Variants in TRPM7 observed in about 807,000 individuals in gnomAD.
TRPM7 encodes transient receptor potential cation channel subfamily M member 7, also known as LTRPC ion channel family member 7.
In TRPM7, 134 loss-of-function variants were observed where a neutral mutation model predicts 229.7. That is an observed-to-expected ratio of 0.58 (90% CI 0.51 to 0.67). TRPM7 has a LOEUF of 0.67. TRPM7 is among the 30% of genes least tolerant of loss of function. TRPM7 has a pLI of 0.00. For synonymous variants in TRPM7, 699 were observed against 715.2 expected, an observed-to-expected ratio of 0.98 and a Z score of 0.36; for missense variants, 1,901 against 2,210.0, an observed-to-expected ratio of 0.86 and a Z score of 2.80.
At chr15:50,575,967 A>G in intron 31 of TRPM7, 48 bp from the exon 32 acceptor site, 3 of 1,575,348 alleles carry the variant, frequency 1.9e-6, no homozygotes, top group Non-Finnish European at 2.6e-6. Flanking sequence ...GTACTAGTAC[A>G]GCAAAAATTT....
At position 50,592,213 on chromosome 15, in the gene TRPM7, T is replaced by C; in HGVS notation, c.4022A>G (p.Lys1341Arg). The C allele has an allele frequency of 2.5e-6, 4 of 1,614,148 alleles. No individual in the cohort carries two copies. Among genetic ancestry groups the C allele is most frequent in the Non-Finnish European group, 3.4e-6 (4 of 1,180,026 alleles). ...GQDLPAVPQR[K>R]EFNFPEAGSS... ...ACCAGCCTCTGGAAAATTAAATTCT[T>C]TTCTCTGGGGTACTGCAGGTAAGTC... Residue 1341 changes from lysine (K) to arginine (R), a missense_variant, in exon 26 of 39, where the codon AAA becomes AGA. By Grantham distance (26) the Lys-to-Arg change is conservative. Around this residue, in one of 8 missense-constraint regions of TRPM7, gnomAD observed 533 missense variants for 497.1 expected, o/e 1.07. Coordinates refer to ENST00000646667, the MANE Select transcript of TRPM7 (RefSeq NM_017672.6).
intron 33 of TRPM7, 125 bp downstream of exon 33, chr15:50,575,599 G>T: frequency 2.4e-6 from 2 of 826,250 alleles, no homozygotes; most frequent in Non-Finnish European, 1.9e-6. Flanking sequence ...GTGGTAGTCA[G>T]ATTAATCAAG....
intron 36 of TRPM7, among the ~76,000 whole-genome samples, chr15:50,570,506 G>A (rs1313372675): frequency 6.6e-6 from 1 of 151,998 alleles, no homozygotes; most frequent in Admixed American, 6.6e-5. Flanking sequence ...AGTTAGCAAA[G>A]AACAATTTGG....
chr15:50,610,006 T>C (rs1567002303), intron 17 of TRPM7, 45 bp from the exon 18 acceptor site: 2 of 1,296,612 alleles, frequency 1.5e-6, no homozygotes, highest in Non-Finnish European at 2.1e-6. Flanking sequence ...ATTAATGACC[T>C]TCAAGAATAT....
Position 50,643,375 on chromosome 15 carries a change from G to A in TRPM7, c.500C>T (p.Thr167Ile). The change falls in exon 5 of 39, where the codon ACT (threonine) becomes ATT (isoleucine). Residue 167 changes from threonine (T) to isoleucine (I), a missense_variant. Around this residue, in one of 8 missense-constraint regions of TRPM7, gnomAD observed 794 missense variants for 881.9 expected, o/e 0.90. Transcript: ENST00000646667. ...TCCTCCAGTTAAAATCCAGGCTCCA[G>A]TTGTAACTGCAGCTTTAATAAGACC... Reference protein sequence around the residue: ...GKGLIKAAVTTGAWILTGGVN... With the variant: ...GKGLIKAAVTIGAWILTGGVN... 6.2e-7 allele frequency: 1 copy of A among 1,614,116 alleles called. No homozygotes were observed. The highest frequency in any genetic ancestry group is 8.5e-7 in the Non-Finnish European group (1 of 1,180,006).
chr15:50,637,129 GA>G (rs34279292), intron 7 of TRPM7, among the ~76,000 whole-genome samples: 1,611 of 133,192 alleles, frequency 0.012, 37 homozygotes, highest in African/African-American at 0.042. Context: ...CCGCCTCAAA[GA>G]AAAAAAAAAA....
At chr15:50,585,072 T>TTTTTA (rs57327083) in intron 28 of TRPM7, among the ~76,000 whole-genome samples, 1 of 146,694 alleles carries the variant, frequency 6.8e-6, no homozygotes. Context: ...TTTTTTTTTT[T>TTTTTA]GAGACGGAGT....
intron 11 of TRPM7, among the ~76,000 whole-genome samples, chr15:50,626,866 A>G (rs2060575836): frequency 1.3e-5 from 2 of 152,194 alleles, no homozygotes; most frequent in Non-Finnish European, 2.9e-5. Context: ...CCATCTCTCC[A>G]AGATGAATCC....
chr15:50,672,617 T>C (rs1032708076), intron 1 of TRPM7, among the ~76,000 whole-genome samples: 3 of 151,506 alleles, frequency 2.0e-5, no homozygotes, highest in African/African-American at 4.8e-5. Flanking sequence ...AATGTTGAAA[T>C]AGAAAAAAGT....
chr15:50,586,424 T>G lies in TRPM7; in HGVS notation c.4454A>C (p.His1485Pro). The change falls in exon 28 of 39, where the codon CAC becomes CCC. Residue 1485 changes from histidine to proline, a missense_variant. By Grantham distance (77) the His-to-Pro change is moderately conservative. Coordinates refer to ENST00000646667, the MANE Select transcript of TRPM7 (RefSeq NM_017672.6). The stretch of plus-strand genomic sequence containing the variant: ...TGAATGAACAGGAATGGAAGTTCTG[T>G]GACAGTCAGTAAATCCAGCAAGAGA... ...VSSLAGFTDC[H>P]RTSIPVHSKQ... The G allele has an allele frequency of 6.2e-7, 1 of 1,613,134 alleles. No homozygotes were observed. Among genetic ancestry groups the G allele is most frequent in the Non-Finnish European group, 8.5e-7 (1 of 1,179,188 alleles).
At chr15:50,623,776 C>A (rs2060484369) in intron 12 of TRPM7, among the ~76,000 whole-genome samples, 1 of 147,332 alleles carries the variant, frequency 6.8e-6, no homozygotes. Flanking sequence ...ACCATGAGGT[C>A]AAACAATGAA....
rs1258563273 is a variant in TRPM7 at position 50,559,147 on chromosome 15, G to C, written c.*2531C>G. 2 of 152,240 alleles carry C rather than the reference G, an allele frequency of 1.3e-5. No homozygotes were observed. The highest frequency in any genetic ancestry group is 4.8e-5 in the African/African-American group (2 of 41,332). 9.4% of individuals were successfully genotyped at this position (152,240 alleles called of 1,614,324 possible). On this transcript the variant is annotated 3_prime_UTR_variant, in exon 39 of 39. Coordinates refer to ENST00000646667, the MANE Select transcript of TRPM7 (RefSeq NM_017672.6). ...GCTCACTGCAACCTCCACCTCCCAG[G>C]TTCAAGCAATTCTCCTGCCTCAGAC...
At chr15:50,638,868 A>G (rs1033380921) in intron 6 of TRPM7, among the ~76,000 whole-genome samples, 5 of 151,992 alleles carry the variant, frequency 3.3e-5, no homozygotes, top group Admixed American at 3.3e-4. Flanking sequence ...TTTAGTAGAG[A>G]CGGGGTTTCA....
intron 1 of TRPM7, among the ~76,000 whole-genome samples, chr15:50,680,704 T>C (rs1387120770): frequency 6.6e-6 from 1 of 152,198 alleles, no homozygotes; most frequent in Non-Finnish European, 1.5e-5. Flanking sequence ...CAGCAAACTT[T>C]TTAAGTTATA....
rs148881894 is a variant in TRPM7 at position 50,588,965 on chromosome 15, G to C, written c.4389+627C>G. Among the ~76,000 whole-genome samples, 373 of 152,276 alleles carry C rather than the reference G, an allele frequency of 2.4e-3. 2 individuals are homozygous for C. The highest frequency in any genetic ancestry group is 8.5e-3 in the African/African-American group (355 of 41,552). On this transcript the variant is annotated intron_variant, in intron 27 of 38. Coordinates refer to ENST00000646667, the MANE Select transcript of TRPM7 (RefSeq NM_017672.6). ...ATGTTCAAATAAAACTTTTGGATCTGGGAAGAGTGAGCTCATTAAGTATTT... is the reference window on the plus strand; with the variant it reads ...ATGTTCAAATAAAACTTTTGGATCTCGGAAGAGTGAGCTCATTAAGTATTT...
rs538100543 is a variant in TRPM7, at chr15:50,669,669, G to C, written c.4-6623C>G. Among the ~76,000 whole-genome samples, 128 of 152,132 alleles carry C rather than the reference G, an allele frequency of 8.4e-4. 1 individual carries two copies. The highest frequency in any genetic ancestry group is 3.0e-3 in the African/African-American group (123 of 41,484). On this transcript the variant is annotated intron_variant, in intron 1 of 38. Coordinates refer to ENST00000646667, the MANE Select transcript of TRPM7 (RefSeq NM_017672.6). ...GAAAAAATTGTGTTTCAAGAACTATGGTATACCTGTCAGTAGATTCTAGTC... is the reference window on the plus strand; with the variant it reads ...GAAAAAATTGTGTTTCAAGAACTATCGTATACCTGTCAGTAGATTCTAGTC...
At chr15:50,679,538 A>ATATATATTTTTTT (rs1400383980) in intron 1 of TRPM7, among the ~76,000 whole-genome samples, 1 of 43,904 alleles carries the variant, frequency 2.3e-5, no homozygotes, top group African/African-American at 1.1e-4. Context: ...ATATATATAT[A>ATATATATTTTTTT]TTTTTTTTTT....
chr15:50,618,689 G>C (rs2060302992), intron 13 of TRPM7, among the ~76,000 whole-genome samples: 1 of 152,114 alleles, frequency 6.6e-6, no homozygotes, highest in African/African-American at 2.4e-5. Flanking sequence ...TTATGTAGCG[G>C]TGAAGACTAG....
At chr15:50,567,018 T>A (rs1231341826) in intron 38 of TRPM7, among the ~76,000 whole-genome samples, 1 of 151,276 alleles carries the variant, frequency 6.6e-6, no homozygotes, top group Non-Finnish European at 1.5e-5. Context: ...CATAAATAAC[T>A]TTATGCCCCC....
Sources: allele counts gnomAD v4.1 joint callset (sites outside exome capture counted in the v4.1 genomes callset), GRCh38; gene constraint gnomAD v4.1.1; regional missense constraint gnomAD v4.1.1; transcripts MANE v1.5; gene names NCBI Gene and HGNC (gene_info 2026-07-23, HGNC 2026-07-21).